NEK9: variants seen among roughly 807,000 people sequenced by gnomAD.
NEK9 encodes serine/threonine-protein kinase Nek9.
NEK9 carries 75 observed loss-of-function variants against 123.4 expected under a neutral mutation model. That is an observed-to-expected ratio of 0.61 (90% CI 0.50 to 0.74). NEK9 has a LOEUF of 0.74. Among genes scored for constraint, NEK9 ranks in the 30% least tolerant of loss-of-function variants. The pLI is 0.00. For synonymous variants in NEK9, 438 were observed against 458.7 expected (o/e 0.95, Z 0.58); for missense variants, 952 against 1,214.4 (o/e 0.78, Z 3.21).
At chr14:75,092,883 C>T (rs186451237) in intron 18 of NEK9, among the ~76,000 whole-genome samples, 93 of 152,150 alleles carry the variant, frequency 6.1e-4, no homozygotes, top group African/African-American at 2.2e-3. Flanking sequence ...TAATTATCAC[C>T]TGCTGTGCTG....
At chr14:75,112,553 G>A (rs1594845016) in intron 8 of NEK9, among the ~76,000 whole-genome samples, 2 of 152,226 alleles carry the variant, frequency 1.3e-5, no homozygotes, top group East Asian at 1.9e-4. Flanking sequence ...GCTGGGCATA[G>A]TGTCTCATGC....
At chr14:75,090,611 G>T (rs1184602005) in intron 19 of NEK9, among the ~76,000 whole-genome samples, 2 of 151,506 alleles carry the variant, frequency 1.3e-5, no homozygotes, top group Non-Finnish European at 2.9e-5. Context: ...ACCCAGGCTG[G>T]ATTGCAGTGG....
chr14:75,118,206 T>TA (rs986471958), intron 5 of NEK9, among the ~76,000 whole-genome samples: 19 of 150,432 alleles, frequency 1.3e-4, no homozygotes, highest in South Asian at 2.1e-4. Context: ...TTGACATTAT[T>TA]AAAAAAAAAA....
At chr14:75,124,859 C>A (rs1895466058) in intron 1 of NEK9, among the ~76,000 whole-genome samples, 1 of 149,104 alleles carries the variant, frequency 6.7e-6, no homozygotes, top group Non-Finnish European at 1.5e-5. Flanking sequence ...CAGCTTTGAA[C>A]TCCTGGGCTG....
intron 1 of NEK9, among the ~76,000 whole-genome samples, chr14:75,125,610 A>G (rs571140890): frequency 1.1e-4 from 16 of 152,378 alleles, no homozygotes; most frequent in African/African-American, 3.4e-4. Flanking sequence ...AACAATCCTT[A>G]TCTCCTCTTT....
In NEK9 at chr14:75,106,156, G is replaced by A. The variant is rs111565029; in HGVS notation, c.1529-160C>T. 194 of 668,830 alleles carry A rather than the reference G, an allele frequency of 2.9e-4. 1 individual carries two copies. The highest frequency in any genetic ancestry group is 1.2e-3 in the South Asian group (71 of 60,098). 41.4% of individuals were successfully genotyped at this position (668,830 alleles called of 1,614,324 possible). A position where few individuals can be genotyped will look rare whatever the true frequency, so the allele number is the denominator to read the frequency against. On this transcript the variant is annotated intron_variant, in intron 12 of 21. Coordinates refer to ENST00000238616, the MANE Select transcript of NEK9 (RefSeq NM_033116.6). ...GGATCATGAGGTCAGAAGTTCGAGC[G>A]AGACAAGCCTGGCCAGTGTGGTGAA... is the stretch of plus-strand genomic sequence containing the variant.
chr14:75,126,264 A>G lies in NEK9; in HGVS notation c.219+439T>C, dbSNP rs541217438. On this transcript the variant is annotated intron_variant, in intron 1 of 21. Coordinates refer to ENST00000238616, the MANE Select transcript of NEK9 (RefSeq NM_033116.6). The stretch of plus-strand genomic sequence containing the variant: ...AGTTGCCACGGGTGTGGGGATTTTG[A>G]AGCTATGCCCCTCCTCCTCACCCCG... 2.6e-5 allele frequency among the ~76,000 whole-genome samples: 4 copies of G among 152,276 alleles called. No individual in the cohort carries two copies. The East Asian group carries it at 7.7e-4, about 29-fold the overall frequency.
At chr14:75,101,994 T>A (rs1180351752) in intron 14 of NEK9, among the ~76,000 whole-genome samples, 2 of 152,190 alleles carry the variant, frequency 1.3e-5, no homozygotes, top group African/African-American at 4.8e-5. Context: ...ACAACCAAAG[T>A]TTTAGATTCT....
intron 6 of NEK9, among the ~76,000 whole-genome samples, chr14:75,116,112 T>C (rs1306542996): frequency 6.6e-6 from 1 of 152,102 alleles, no homozygotes; most frequent in Non-Finnish European, 1.5e-5. Context: ...ATGTCAGAAG[T>C]GTTTACAAGA....
chr14:75,091,936 A>G (rs913198480), intron 18 of NEK9, among the ~76,000 whole-genome samples: 1 of 152,054 alleles, frequency 6.6e-6, no homozygotes, highest in Non-Finnish European at 1.5e-5. Flanking sequence ...TAAACTTACC[A>G]TTAACTCCCT....
intron 14 of NEK9, 88 bp from the exon 15 acceptor site, chr14:75,101,853 C>A: frequency 2.3e-6 from 2 of 874,530 alleles, no homozygotes; most frequent in Non-Finnish European, 1.9e-6. Context: ...TCCTGGTGAC[C>A]AAAAGGCCTT....
At chr14:75,120,925 A>G in intron 3 of NEK9, 194 bp downstream of exon 3, 1 of 670,586 alleles carries the variant, frequency 1.5e-6, no homozygotes, top group East Asian at 2.7e-5. Context: ...CATGATGTGG[A>G]GGTAAAACGT....
At chr14:75,114,347 T>C (rs1895058591) in intron 6 of NEK9, 34 bp from the exon 7 acceptor site, 2 of 1,513,148 alleles carry the variant, frequency 1.3e-6, no homozygotes, top group Non-Finnish European at 1.8e-6. Context: ...TGTTCCTGGT[T>C]ATATAAAGAT....
Position 75,097,130 on chromosome 14 carries a change from A to C in NEK9, c.2143T>G (p.Cys715Gly). ...ATGAGAATGGTATGCCATCCACGGC[A>C]AGACAGGTCCGGGACATGATGCAGA... Reference protein sequence around the residue: ...GSLHHVPDLSCRGWHTILIVE... With the variant: ...GSLHHVPDLSGRGWHTILIVE... Residue 715 changes from cysteine to glycine, a missense_variant, in exon 17 of 22, where the codon TGC becomes GGC. This residue lies in a region of NEK9 where 698 missense variants were observed against 875.6 expected (regional missense o/e 0.80). Transcript: ENST00000238616. The C allele has an allele frequency of 6.2e-7, 1 of 1,612,098 alleles. No individual in the cohort carries two copies. Among genetic ancestry groups the C allele is most frequent in the Non-Finnish European group, 8.5e-7 (1 of 1,179,070 alleles).
At chr14:75,123,961 A>G (rs1895427173) in intron 2 of NEK9, 85 bp downstream of exon 2, 1 of 1,168,380 alleles carries the variant, frequency 8.6e-7, no homozygotes, top group Non-Finnish European at 1.2e-6. Flanking sequence ...ATCACTGTAT[A>G]TGTCTCTTCT....
intron 10 of NEK9, among the ~76,000 whole-genome samples, 165 bp downstream of exon 10, chr14:75,109,520 G>T (rs1329583545): frequency 6.6e-6 from 1 of 152,164 alleles, no homozygotes; most frequent in African/African-American, 2.4e-5. Context: ...GCATACATCA[G>T]TGAACTAAAC....
chr14:75,089,680 T>G (rs1237183664), intron 19 of NEK9, among the ~76,000 whole-genome samples: 1 of 148,302 alleles, frequency 6.7e-6, no homozygotes, highest in Non-Finnish European at 1.5e-5. Context: ...GGATTACAGG[T>G]GCGTGCCACC....
intron 2 of NEK9, among the ~76,000 whole-genome samples, chr14:75,123,019 T>G (rs1340499691): frequency 6.6e-6 from 1 of 151,862 alleles, no homozygotes; most frequent in Admixed American, 6.6e-5. Context: ...TTCCTCAAAC[T>G]CCTATGCTCA....
chr14:75,108,101 G>C (rs1455265307), intron 10 of NEK9, among the ~76,000 whole-genome samples: 5 of 151,788 alleles, frequency 3.3e-5, no homozygotes, highest in African/African-American at 7.3e-5. Context: ...ACAGCAATGA[G>C]ACTAGTCCTT....
Sources: allele counts gnomAD v4.1 joint callset (sites outside exome capture counted in the v4.1 genomes callset), GRCh38; gene constraint gnomAD v4.1.1; regional missense constraint gnomAD v4.1.1; transcripts MANE v1.5; gene names NCBI Gene and HGNC (gene_info 2026-07-23, HGNC 2026-07-21).